GNB1: variants seen among roughly 807,000 people sequenced by gnomAD.
GNB1 encodes the protein guanine nucleotide-binding protein G(I)/G(S)/G(T) subunit beta-1.
A neutral mutation model predicts 42.9 loss-of-function variants in GNB1; 2 were observed. The observed-to-expected ratio is 0.05, with a 90% CI of 0.02 to 0.15. The LOEUF (loss-of-function observed/expected upper bound fraction) is 0.15. Ranked by LOEUF, GNB1 falls within the 10% of genes least tolerant of loss-of-function variation. The probability of loss-of-function intolerance (pLI) is 1.00; values close to 1 mark genes in which losing one functional copy is unlikely to be tolerated. For synonymous variants in GNB1, 183 were observed against 174.7 expected (o/e 1.05, Z -0.38); for missense variants, 193 against 462.2 (o/e 0.42, Z 5.34).
At chr1:1,845,509 C>T (rs1243373176) in intron 1 of GNB1, among the ~76,000 whole-genome samples, 1 of 151,944 alleles carries the variant, frequency 6.6e-6, no homozygotes, top group Admixed American at 6.6e-5. Flanking sequence ...GGAGGCGGAG[C>T]TTGCAGTGAG....
intron 2 of GNB1, among the ~76,000 whole-genome samples, chr1:1,838,635 A>G (rs981764299): frequency 1.3e-5 from 2 of 150,976 alleles, no homozygotes; most frequent in South Asian, 4.2e-4. Flanking sequence ...TAGTAGAGAC[A>G]GGGTTTCACC....
chr1:1,861,561 G>A (rs1246454610), intron 1 of GNB1, among the ~76,000 whole-genome samples: 1 of 151,740 alleles, frequency 6.6e-6, no homozygotes, highest in Non-Finnish European at 1.5e-5. Flanking sequence ...CTTGAGAACA[G>A]ACACATCTCA....
chr1:1,867,146 A>G (rs1648987962), intron 1 of GNB1, among the ~76,000 whole-genome samples: 1 of 152,120 alleles, frequency 6.6e-6, no homozygotes, highest in Non-Finnish European at 1.5e-5. Flanking sequence ...AGGCGCCTAT[A>G]ATCCCAGCTA....
At chr1:1,885,854 G>A (rs373719888) in intron 1 of GNB1, among the ~76,000 whole-genome samples, 6 of 147,414 alleles carry the variant, frequency 4.1e-5, no homozygotes, top group African/African-American at 1.2e-4. Context: ...CACCGTGCCC[G>A]GCCCACTTAA....
intron 1 of GNB1, among the ~76,000 whole-genome samples, chr1:1,882,426 C>CAAAAAAAAAAAAAAAAAAAAAAAAAA (rs5772052): frequency 1.4e-5 from 1 of 71,646 alleles, no homozygotes. Flanking sequence ...GACTCCAACT[C>CAAAAAAAAAAAAAAAAAAAAAAAAAA]AAAAAAAAAA....
At chr1:1,871,133 A>AC (rs895664937) in intron 1 of GNB1, among the ~76,000 whole-genome samples, 1 of 151,998 alleles carries the variant, frequency 6.6e-6, no homozygotes, top group African/African-American at 2.4e-5. Flanking sequence ...AGGGCTGACC[A>AC]CCTAGTACCT....
Position 1,845,908 on chromosome 1 carries a change from GAAGC to G in GNB1, c.-95-6674_-95-6671del, listed in dbSNP as rs1647636095. On this transcript the variant is annotated intron_variant, in intron 1 of 11. Coordinates refer to ENST00000378609, the MANE Select transcript of GNB1 (RefSeq NM_002074.5). The stretch of plus-strand genomic sequence containing the variant: ...TATCTCTTGTCAACTGAAAGGTCTG[GAAGC>G]AACGACCTCTCCACACACAAAGCCC... Among the ~76,000 whole-genome samples, 3 of 150,186 alleles carry G rather than the reference GAAGC, an allele frequency of 2.0e-5. No homozygotes were observed. In the South Asian group the frequency reaches 6.3e-4, roughly 32 times the overall value.
At chr1:1,844,044 A>G (rs1405040661) in intron 1 of GNB1, among the ~76,000 whole-genome samples, 2 of 152,012 alleles carry the variant, frequency 1.3e-5, no homozygotes, top group East Asian at 3.9e-4. Context: ...AAATACAAAA[A>G]ATTAGCTGGG....
chr1:1,861,016 G>A (rs971426201), intron 1 of GNB1, among the ~76,000 whole-genome samples: 3 of 150,200 alleles, frequency 2.0e-5, no homozygotes, highest in Non-Finnish European at 4.4e-5. Context: ...GCTGAGACAA[G>A]AGAATCCCTT....
At position 1,789,296 on chromosome 1, in the gene GNB1, T is replaced by G. The variant is rs200691599; in HGVS notation, c.700-27A>C. The G allele has an allele frequency of 1.8e-4, 232 of 1,274,128 alleles. No homozygotes were observed. The Admixed American group carries it at 1.9e-3, about 10-fold the overall frequency. The allele number at this position is 1,274,128 out of a possible 1,614,324, so 78.9% of individuals were successfully genotyped here. On this transcript the variant is annotated intron_variant, in intron 9 of 11. Transcript: ENST00000378609. ...TGGAAAGAGAAAGCAAATCAAGACATCATGTAAACGCTCAGAAAGAAACAT... is the reference window on the plus strand; with the variant it reads ...TGGAAAGAGAAAGCAAATCAAGACAGCATGTAAACGCTCAGAAAGAAACAT...
intron 3 of GNB1, among the ~76,000 whole-genome samples, chr1:1,822,795 T>C (rs928140029): frequency 1.3e-5 from 2 of 152,168 alleles, no homozygotes; most frequent in African/African-American, 4.8e-5. Context: ...AATTTGGGTG[T>C]CTTTCACCTG....
intron 3 of GNB1, among the ~76,000 whole-genome samples, chr1:1,819,974 T>G (rs572928882): frequency 7.9e-5 from 12 of 152,338 alleles, no homozygotes; most frequent in African/African-American, 2.9e-4. Context: ...GAGGACGAGT[T>G]CCCAGCGGTT....
At chr1:1,870,539 CTT>C (rs1457972420) in intron 1 of GNB1, among the ~76,000 whole-genome samples, 1 of 152,226 alleles carries the variant, frequency 6.6e-6, no homozygotes, top group Non-Finnish European at 1.5e-5. Context: ...CTGAATCGCA[CTT>C]TGTCTTTTCC....
chr1:1,834,424 C>T (rs190329014), intron 2 of GNB1, among the ~76,000 whole-genome samples: 76 of 152,160 alleles, frequency 5.0e-4, no homozygotes, highest in African/African-American at 1.7e-3. Flanking sequence ...GCTTTTAGGG[C>T]GGAGCACAAA....
intron 1 of GNB1, among the ~76,000 whole-genome samples, chr1:1,843,165 G>A (rs573311457): frequency 6.6e-6 from 1 of 152,264 alleles, no homozygotes; most frequent in South Asian, 2.1e-4. Context: ...TCAAGGGACA[G>A]GTAGGAAGAG....
intron 7 of GNB1, among the ~76,000 whole-genome samples, chr1:1,801,767 T>C (rs1267680324): frequency 6.6e-6 from 1 of 152,152 alleles, no homozygotes; most frequent in Admixed American, 6.6e-5. Context: ...GGTGGCAAAG[T>C]AGCAGAGTTA....
At chr1:1,884,905 G>A (rs749088620) in intron 1 of GNB1, among the ~76,000 whole-genome samples, 1 of 150,140 alleles carries the variant, frequency 6.7e-6, no homozygotes, top group African/African-American at 2.4e-5. Context: ...GGTTGGTCTC[G>A]ATCTCCTGAC....
intron 1 of GNB1, among the ~76,000 whole-genome samples, chr1:1,878,519 C>T (rs1255142999): frequency 6.6e-6 from 1 of 152,170 alleles, no homozygotes; most frequent in East Asian, 1.9e-4. Flanking sequence ...ACTCTCTCCT[C>T]AAATGTTTGG....
chr1:1,842,947 G>A (rs1292715280), intron 1 of GNB1, among the ~76,000 whole-genome samples: 1 of 152,152 alleles, frequency 6.6e-6, no homozygotes, highest in Admixed American at 6.5e-5. Context: ...TCAAAGCATG[G>A]GTCTCAACCT....
Sources: gnomAD v4.1 joint callset for allele counts (sites outside exome capture counted in the v4.1 genomes callset) on GRCh38, gnomAD v4.1.1 for gene constraint, MANE v1.5 for transcripts, NCBI Gene and HGNC (gene_info 2026-07-23, HGNC 2026-07-21) for gene names.